Variants in CBX3 observed in about 807,000 individuals in gnomAD.
CBX3 encodes chromobox protein homolog 3.
A neutral mutation model predicts 22.6 loss-of-function variants in CBX3; 5 were observed. The observed-to-expected ratio is 0.22, with a 90% CI of 0.12 to 0.47. The LOEUF is 0.47. Ranked by LOEUF, CBX3 falls within the 20% of genes least tolerant of loss-of-function variation. CBX3 has a pLI of 0.99. For missense variants in CBX3, 83 were observed against 208.1 expected, an observed-to-expected ratio of 0.40 and a Z score of 3.70; for synonymous variants, 50 against 66.6, an observed-to-expected ratio of 0.75 and a Z score of 1.21.
chr7:26,208,956 G>A (rs1276743108), intron 4 of CBX3, among the ~76,000 whole-genome samples: 1 of 74,084 alleles, frequency 1.3e-5, no homozygotes, highest in Non-Finnish European at 2.3e-5. Flanking sequence ...TTTTTTCCTG[G>A]GAGACAGAGT....
intron 4 of CBX3, chr7:26,210,436 C>T (rs912693746): frequency 2.0e-5 from 3 of 152,176 alleles, no homozygotes; most frequent in South Asian, 2.1e-4. Flanking sequence ...GTTTTATTAA[C>T]CTAAACCACA....
At chr7:26,202,754 C>A in intron 1 of CBX3, 1 of 513,934 alleles carries the variant, frequency 1.9e-6, no homozygotes, top group Non-Finnish European at 3.4e-6. Flanking sequence ...TTTTAGGTAC[C>A]AGGATCCCCA....
At chr7:26,204,703 T>C (rs1200416721) in intron 2 of CBX3, among the ~76,000 whole-genome samples, 1 of 152,228 alleles carries the variant, frequency 6.6e-6, no homozygotes, top group African/African-American at 2.4e-5. Context: ...TGTTCTTAAC[T>C]TTTTTCTGCT....
At chr7:26,205,775 T>A (rs569495722) in intron 2 of CBX3, among the ~76,000 whole-genome samples, 1 of 152,182 alleles carries the variant, frequency 6.6e-6, no homozygotes, top group Non-Finnish European at 1.5e-5. Context: ...TGAGTGAAAA[T>A]TAGTAAACTT....
At chr7:26,207,244 T>TC (rs1372408505) in intron 3 of CBX3, among the ~76,000 whole-genome samples, 11 of 152,178 alleles carry the variant, frequency 7.2e-5, no homozygotes, top group Non-Finnish European at 1.0e-4. Context: ...ATCTCCTACT[T>TC]CCCCTGCTCT....
chr7:26,209,502 A>G (rs1784758153), intron 4 of CBX3, among the ~76,000 whole-genome samples: 1 of 152,240 alleles, frequency 6.6e-6, no homozygotes, highest in South Asian at 2.1e-4. Context: ...GAACAACGCA[A>G]ATAGAACTTT....
chr7:26,208,219 C>T, intron 3 of CBX3, 174 bp from the exon 4 acceptor site: 1 of 468,362 alleles, frequency 2.1e-6, no homozygotes, highest in Non-Finnish European at 3.9e-6. Flanking sequence ...AAGACCCTGT[C>T]TCTGGCGGAG....
intron 2 of CBX3, among the ~76,000 whole-genome samples, chr7:26,205,069 A>G (rs1288558705): frequency 6.6e-6 from 1 of 152,198 alleles, no homozygotes; most frequent in Non-Finnish European, 1.5e-5. Context: ...GATTACAGGC[A>G]TGAGCCACTG....
intron 1 of CBX3, chr7:26,202,643 A>G (rs115044286): frequency 6.5e-4 from 179 of 274,538 alleles, no homozygotes; most frequent in African/African-American, 3.8e-3. Flanking sequence ...CTGGTTTTAA[A>G]CCGAAAGGAT....
intron 4 of CBX3, among the ~76,000 whole-genome samples, chr7:26,209,465 T>G (rs895103428): frequency 6.6e-6 from 1 of 152,174 alleles, no homozygotes; most frequent in African/African-American, 2.4e-5. Flanking sequence ...TAAGATTGGA[T>G]TATCGAAAGC....
At chr7:26,201,657 C>T (rs1784450132), upstream of CBX3, 1 of 141,878 alleles carries the variant, frequency 7.0e-6, no homozygotes, top group Non-Finnish European at 1.5e-5. Context: ...GGGCGCGCGC[C>T]CGCTGCCCCG....
chr7:26,209,097 G>A (rs1784747770), intron 4 of CBX3, among the ~76,000 whole-genome samples: 1 of 150,428 alleles, frequency 6.6e-6, no homozygotes, highest in African/African-American at 2.4e-5. Context: ...AGTAGAGACG[G>A]GGTTTCACCA....
chr7:26,204,016 G>C (rs1178395659), intron 2 of CBX3, among the ~76,000 whole-genome samples: 1 of 152,156 alleles, frequency 6.6e-6, no homozygotes, highest in African/African-American at 2.4e-5. Context: ...CACTTTAAAA[G>C]TTCTTAACTT....
Position 26,202,960 on chromosome 7 carries a change from C to T in CBX3, c.-28-11C>T, listed in dbSNP as rs750539865. Reference sequence around the variant, plus strand: ...ATGCAAACTTACCTTAACTGTCATGCATTTTTCTAGTAATAGCTCTTCAAG... The same window carrying T: ...ATGCAAACTTACCTTAACTGTCATGTATTTTTCTAGTAATAGCTCTTCAAG... On this transcript the variant is annotated splice_polypyrimidine_tract_variant and intron_variant, in intron 1 of 5. Transcript: ENST00000396386. 2 of 1,546,086 alleles carry T rather than the reference C, an allele frequency of 1.3e-6. No homozygotes were observed. Among genetic ancestry groups the T allele is most frequent in the South Asian group, 1.1e-5 (1 of 88,510 alleles).
chr7:26,204,929 A>G (rs1275781179), intron 2 of CBX3, among the ~76,000 whole-genome samples: 1 of 152,076 alleles, frequency 6.6e-6, no homozygotes, highest in African/African-American at 2.4e-5. Flanking sequence ...AGCTGGGATT[A>G]CAGGCATGCA....
At chr7:26,203,124 A>T (rs1784589942) in intron 2 of CBX3, 102 bp downstream of exon 2, 1 of 680,258 alleles carries the variant, frequency 1.5e-6, no homozygotes, top group East Asian at 4.0e-5. Flanking sequence ...ACATCCACAT[A>T]TTTCCCAGCT....
Position 26,213,494 on chromosome 7 carries a change from C to T in CBX3, c.*1286C>T, listed in dbSNP as rs568198570. On this transcript the variant is annotated 3_prime_UTR_variant, in exon 6 of 6. Coordinates refer to ENST00000396386, the MANE Select transcript of CBX3 (RefSeq NM_016587.4). The stretch of plus-strand genomic sequence containing the variant: ...ACATATCCTAGATCTTTTGAGCTTA[C>T]GAGTTTTAAACTTGAATATGTATTT... 7 of 152,126 alleles carry T rather than the reference C, an allele frequency of 4.6e-5. No individual in the cohort carries two copies. Among genetic ancestry groups the T allele is most frequent in the Non-Finnish European group, 7.4e-5 (5 of 68,000 alleles). 9.4% of individuals were successfully genotyped at this position (152,126 alleles called of 1,614,324 possible).
intron 1 of CBX3, 49 bp downstream of exon 1, chr7:26,201,875 G>C (rs1022026542): frequency 7.6e-6 from 1 of 131,632 alleles, no homozygotes. Flanking sequence ...TGGTGCTTCA[G>C]ATGCCACACG....
chr7:26,207,067 C>A (rs1297256327), intron 3 of CBX3, among the ~76,000 whole-genome samples: 3 of 152,164 alleles, frequency 2.0e-5, no homozygotes, highest in Non-Finnish European at 4.4e-5. Context: ...CAATTACATA[C>A]TTTAACGCTT....
Sources: allele counts gnomAD v4.1 joint callset (sites outside exome capture counted in the v4.1 genomes callset), GRCh38; gene constraint gnomAD v4.1.1; transcripts MANE v1.5; gene names NCBI Gene and HGNC (gene_info 2026-07-23, HGNC 2026-07-21).